Variants in GRK3 observed in about 807,000 individuals in gnomAD.
GRK3 encodes adrenergic, beta, receptor kinase 2.
Under a neutral mutation model 95.7 loss-of-function variants are expected in GRK3, and 54 were observed. That is an observed-to-expected ratio of 0.56 (90% CI 0.45 to 0.71). The LOEUF is 0.71. Ranked by LOEUF, GRK3 falls within the 30% of genes least tolerant of loss-of-function variation. The pLI is 0.00. For missense variants in GRK3, 649 were observed against 851.2 expected (o/e 0.76, Z 2.96); for synonymous variants, 281 against 290.8 (o/e 0.97, Z 0.34).
At chr22:25,687,972 C>G (rs904947736) in intron 11 of GRK3, among the ~76,000 whole-genome samples, 25 of 152,290 alleles carry the variant, frequency 1.6e-4, no homozygotes, top group African/African-American at 4.6e-4. Flanking sequence ...TGCGGTGGCT[C>G]ATGCCTGTAA....
intron 16 of GRK3, 158 bp downstream of exon 16, chr22:25,710,122 C>G (rs1447313669): frequency 2.5e-5 from 17 of 686,104 alleles, no homozygotes; most frequent in Non-Finnish European, 3.5e-5. Context: ...CATCCTGTGT[C>G]CACACTCTCT....
chr22:25,626,756 G>A (rs778365768), intron 2 of GRK3, among the ~76,000 whole-genome samples: 2 of 152,180 alleles, frequency 1.3e-5, no homozygotes, highest in Non-Finnish European at 2.9e-5. Context: ...CAAGCTGGTC[G>A]GGGCGGCATA....
At position 25,687,685 on chromosome 22, in the gene GRK3, A is replaced by G; in HGVS notation, c.957+18A>G. On this transcript the variant is annotated intron_variant, in intron 11 of 20. Coordinates refer to ENST00000324198, the MANE Select transcript of GRK3 (RefSeq NM_005160.4). ...ATTTGAAGGTGAGGACGATTGACAG[A>G]CTCATTCTGCATAGTAGGTATTGTG... is the stretch of plus-strand genomic sequence containing the variant. 6.2e-7 allele frequency: 1 copy of G among 1,613,618 alleles called. No individual in the cohort carries two copies. The highest frequency in any genetic ancestry group is 8.5e-7 in the Non-Finnish European group (1 of 1,179,784).
chr22:25,621,121 A>G (rs939400225), intron 2 of GRK3, among the ~76,000 whole-genome samples: 1 of 152,282 alleles, frequency 6.6e-6, no homozygotes, highest in Non-Finnish European at 1.5e-5. Context: ...ACTTAGTGAT[A>G]GTAAAACTTT....
At chr22:25,699,788 T>C (rs1009176773) in intron 13 of GRK3, among the ~76,000 whole-genome samples, 2 of 148,478 alleles carry the variant, frequency 1.3e-5, no homozygotes, top group Non-Finnish European at 3.0e-5. Context: ...AACCTCTGCC[T>C]CACGGATTCA....
At chr22:25,688,407 G>C (rs4541333) in intron 11 of GRK3, among the ~76,000 whole-genome samples, 1 of 152,174 alleles carries the variant, frequency 6.6e-6, no homozygotes, top group Non-Finnish European at 1.5e-5. Context: ...ATGGGGCTTA[G>C]AAGCTGGTGA....
chr22:25,629,642 C>G (rs1337157665), intron 2 of GRK3, among the ~76,000 whole-genome samples: 2 of 152,194 alleles, frequency 1.3e-5, no homozygotes, highest in Non-Finnish European at 2.9e-5. Context: ...CAGGTCTATG[C>G]CAGTGCATTT....
intron 1 of GRK3, among the ~76,000 whole-genome samples, chr22:25,567,530 C>A (rs1021054746): frequency 6.6e-6 from 1 of 152,198 alleles, no homozygotes; most frequent in African/African-American, 2.4e-5. Flanking sequence ...ACTTAAATAG[C>A]TGGTATGACT....
chr22:25,696,855 T>C (rs549233554), intron 13 of GRK3, among the ~76,000 whole-genome samples: 1 of 152,364 alleles, frequency 6.6e-6, no homozygotes, highest in African/African-American at 2.4e-5. Flanking sequence ...AATTGAATTA[T>C]TGTATTTGTG....
intron 15 of GRK3, among the ~76,000 whole-genome samples, chr22:25,709,662 T>C (rs2085328483): frequency 6.6e-6 from 1 of 152,172 alleles, no homozygotes; most frequent in South Asian, 2.1e-4. Flanking sequence ...TCTTAAACTG[T>C]AATAACTATC....
chr22:25,594,563 A>G (rs533581267), intron 1 of GRK3, among the ~76,000 whole-genome samples: 3 of 152,312 alleles, frequency 2.0e-5, no homozygotes, highest in African/African-American at 7.2e-5. Context: ...GCAAACCAAT[A>G]AATGTGATTT....
intron 1 of GRK3, chr22:25,581,425 A>G (rs1932096014): frequency 6.6e-6 from 1 of 152,250 alleles, no homozygotes; most frequent in African/African-American, 2.4e-5. Flanking sequence ...CACAGATGCA[A>G]GATGCAAGTG....
intron 1 of GRK3, among the ~76,000 whole-genome samples, chr22:25,577,473 C>T (rs936326904): frequency 6.6e-6 from 1 of 152,140 alleles, no homozygotes; most frequent in South Asian, 2.1e-4. Context: ...CCGTGCCTGG[C>T]CCGTAAAGGA....
intron 12 of GRK3, 134 bp from the exon 13 acceptor site, chr22:25,694,973 G>T: frequency 1.7e-6 from 1 of 584,512 alleles, no homozygotes; most frequent in Non-Finnish European, 3.1e-6. Context: ...CACGTTTGCG[G>T]TGAAGCACAA....
intron 5 of GRK3, among the ~76,000 whole-genome samples, chr22:25,665,504 T>C (rs1185101333): frequency 6.6e-6 from 1 of 152,206 alleles, no homozygotes; most frequent in Non-Finnish European, 1.5e-5. Flanking sequence ...TCAAAAAACA[T>C]TCATTTAGAA....
chr22:25,641,675 C>T (rs1176273422), intron 2 of GRK3, among the ~76,000 whole-genome samples: 1 of 152,138 alleles, frequency 6.6e-6, no homozygotes, highest in African/African-American at 2.4e-5. Context: ...GTGAAGTGAG[C>T]TAGTGAGCTG....
intron 1 of GRK3, among the ~76,000 whole-genome samples, chr22:25,565,878 C>T (rs1481719356): frequency 6.6e-6 from 1 of 152,062 alleles, no homozygotes; most frequent in African/African-American, 2.4e-5. Context: ...AAACAGGAGT[C>T]ACTTAAAAAG....
At chr22:25,594,884 TA>T (rs1227598302) in intron 1 of GRK3, among the ~76,000 whole-genome samples, 1 of 151,484 alleles carries the variant, frequency 6.6e-6, no homozygotes, top group Non-Finnish European at 1.5e-5. Flanking sequence ...ATCTCAAAAA[TA>T]AATAAATAAA....
chr22:25,676,924 G>A (rs550504923), intron 8 of GRK3, among the ~76,000 whole-genome samples: 28 of 152,254 alleles, frequency 1.8e-4, no homozygotes, highest in African/African-American at 6.7e-4. Flanking sequence ...GGCTCTGCGA[G>A]CCCATCAGTG....
Sources: gnomAD v4.1 joint callset for allele counts (sites outside exome capture counted in the v4.1 genomes callset) on GRCh38, gnomAD v4.1.1 for gene constraint, MANE v1.5 for transcripts, NCBI Gene and HGNC (gene_info 2026-07-23, HGNC 2026-07-21) for gene names.